Variants in ODAD2 observed in about 807,000 individuals in gnomAD.
ODAD2 encodes outer dynein arm-docking complex subunit 2.
ODAD2 carries 89 observed loss-of-function variants against 106.8 expected under a neutral mutation model. That is an observed-to-expected ratio of 0.83 (90% CI 0.70 to 0.99). ODAD2 has a LOEUF of 0.99. Among genes scored for constraint, ODAD2 ranks in the 50% least tolerant of loss-of-function variants. ODAD2 has a pLI of 0.00. For synonymous variants in ODAD2, 404 were observed against 436.2 expected, an observed-to-expected ratio of 0.93 and a Z score of 0.92; for missense variants, 1,168 against 1,238.5, an observed-to-expected ratio of 0.94 and a Z score of 0.85.
At chr10:27,964,347 G>T (rs1303598051) in intron 9 of ODAD2, among the ~76,000 whole-genome samples, 1 of 152,146 alleles carries the variant, frequency 6.6e-6, no homozygotes, top group African/African-American at 2.4e-5. Flanking sequence ...TTTAACTTAC[G>T]TGTGCCTCGG....
At chr10:27,892,175 T>C (rs887512793) in intron 17 of ODAD2, among the ~76,000 whole-genome samples, 1 of 152,194 alleles carries the variant, frequency 6.6e-6, no homozygotes, top group African/African-American at 2.4e-5. Context: ...ATAACATCAC[T>C]ACAGAGGTCG....
intron 10 of ODAD2, among the ~76,000 whole-genome samples, chr10:27,956,102 C>T (rs1588604249): frequency 6.6e-6 from 1 of 152,062 alleles, no homozygotes; most frequent in African/African-American, 2.4e-5. Context: ...TTTGATGATA[C>T]AGAACAAACA....
At chr10:27,818,019 T>C (rs796184171) in intron 19 of ODAD2, among the ~76,000 whole-genome samples, 28 of 151,978 alleles carry the variant, frequency 1.8e-4, no homozygotes, top group African/African-American at 6.7e-4. Context: ...TCCACCATGG[T>C]AACCTTTGTT....
In ODAD2 at chr10:27,861,079, C is replaced by T. The variant is rs59540473; in HGVS notation, c.2800-233G>A. Among the ~76,000 whole-genome samples the T allele has an allele frequency of 0.047, 7,199 of 152,190 alleles. 546 individuals carry two copies. The highest frequency in any genetic ancestry group is 0.16 in the African/African-American group (6,795 of 41,512). The stretch of plus-strand genomic sequence containing the variant: ...CCATCTCAGCTCACTGCAAGCTCGG[C>T]CTCCTGGATTCAAGTGATTCTCATG... On this transcript the variant is annotated intron_variant, in intron 18 of 19. Transcript: ENST00000305242.
chr10:27,916,328 A>G (rs1844374824), intron 16 of ODAD2, among the ~76,000 whole-genome samples: 1 of 152,192 alleles, frequency 6.6e-6, no homozygotes, highest in African/African-American at 2.4e-5. Context: ...GGTAAATCAG[A>G]ACAAGCACAG....
At chr10:27,972,166 T>C (rs1225436786) in intron 7 of ODAD2, among the ~76,000 whole-genome samples, 1 of 152,202 alleles carries the variant, frequency 6.6e-6, no homozygotes, top group African/African-American at 2.4e-5. Flanking sequence ...ATTCAAGGTA[T>C]ATTGTTGTAA....
intron 16 of ODAD2, among the ~76,000 whole-genome samples, chr10:27,910,242 G>A (rs903745660): frequency 8.5e-5 from 13 of 152,100 alleles, no homozygotes; most frequent in African/African-American, 2.4e-4. Context: ...TATTCATTCT[G>A]TTCATGACAC....
rs75700219 is a variant in ODAD2, at chr10:27,829,384, C to T, written c.3022-16759G>A. ...CCAGTAATTGCTTTTTTCAAACTCC[C>T]GTTGACTTAACCTCATTCTCAAGGC... On this transcript the variant is annotated intron_variant, in intron 19 of 19. Transcript: ENST00000305242. Among the ~76,000 whole-genome samples the T allele has an allele frequency of 3.6e-4, 55 of 152,222 alleles. No homozygotes were observed. The East Asian group carries it at 9.8e-3, about 27-fold the overall frequency.
At chr10:27,922,187 AAAG>A (rs1590028119) in intron 16 of ODAD2, among the ~76,000 whole-genome samples, 1 of 151,694 alleles carries the variant, frequency 6.6e-6, no homozygotes, top group Non-Finnish European at 1.5e-5. Context: ...ACAAAAGAAA[AAAG>A]AAAAAAAGAA....
intron 10 of ODAD2, among the ~76,000 whole-genome samples, chr10:27,945,301 AG>A (rs1297303716): frequency 1.3e-5 from 2 of 152,238 alleles, no homozygotes; most frequent in African/African-American, 4.8e-5. Context: ...GTTCTTGAAC[AG>A]GGTATTGCAT....
At chr10:27,997,784 A>T (rs113861460) in intron 1 of ODAD2, among the ~76,000 whole-genome samples, 1 of 152,214 alleles carries the variant, frequency 6.6e-6, no homozygotes, top group East Asian at 1.9e-4. Context: ...AGATTTTAAA[A>T]TCAAGACCAG....
chr10:27,944,361 C>A lies in ODAD2; in HGVS notation c.1604G>T (p.Gly535Val). The change falls in exon 12 of 20, where the codon GGG becomes GTG. Residue 535 changes from glycine (G) to valine (V), a missense_variant. By Grantham distance (109) the Gly-to-Val change is moderately radical. Coordinates refer to ENST00000305242, the MANE Select transcript of ODAD2 (RefSeq NM_018076.5). Reference sequence around the variant, plus strand: ...TATATTCACCATAATTGGTAAGCCCCCAAGGTCAACAATATTCTGTCTGAT... The same window carrying A: ...TATATTCACCATAATTGGTAAGCCCACAAGGTCAACAATATTCTGTCTGAT... The part of the protein sequence containing the change: ...PQIRQNIVDL[G>V]GLPIMVNILD... 6.2e-7 allele frequency: 1 copy of A among 1,613,952 alleles called. No homozygotes were observed. The highest frequency in any genetic ancestry group is 1.1e-5 in the South Asian group (1 of 91,062).
At chr10:27,981,398 T>G in intron 7 of ODAD2, 68 bp downstream of exon 7, 2 of 1,382,810 alleles carry the variant, frequency 1.4e-6, no homozygotes, top group Non-Finnish European at 1.9e-6. Context: ...CTGTTTTTCT[T>G]GTACCATAGA....
rs181443240 is a variant in ODAD2, at chr10:27,875,743, A to G, written c.2611-13121T>C. 8.5e-3 allele frequency among the ~76,000 whole-genome samples: 1,290 copies of G among 152,310 alleles called. 14 individuals are homozygous for G. Among genetic ancestry groups the G allele is most frequent in the Middle Eastern group, 0.034 (10 of 294 alleles). ...CACCGAGCATGAGCCAAAGCAGGGCAAGGCATTGCCTCACCCAGGAAGCAC... is the reference window on the plus strand; with the variant it reads ...CACCGAGCATGAGCCAAAGCAGGGCGAGGCATTGCCTCACCCAGGAAGCAC... On this transcript the variant is annotated intron_variant, in intron 17 of 19. Transcript: ENST00000305242.
chr10:27,863,580 T>G (rs1166921880), intron 17 of ODAD2, among the ~76,000 whole-genome samples: 1 of 152,212 alleles, frequency 6.6e-6, no homozygotes, highest in Non-Finnish European at 1.5e-5. Context: ...TTTGCCATGA[T>G]GTTGCCTACA....
chr10:27,901,746 CA>C (rs759081412), intron 17 of ODAD2, among the ~76,000 whole-genome samples: 1 of 152,096 alleles, frequency 6.6e-6, no homozygotes, highest in Non-Finnish European at 1.5e-5. Context: ...GGGATCAATG[CA>C]ACAAGAAGAG....
intron 7 of ODAD2, among the ~76,000 whole-genome samples, chr10:27,980,654 TAAAC>T (rs1849487580): frequency 6.6e-6 from 1 of 152,112 alleles, no homozygotes; most frequent in Admixed American, 6.5e-5. Flanking sequence ...TGTTTATAAT[TAAAC>T]AACAACCTAG....
chr10:27,980,678 A>C (rs1452557582), intron 7 of ODAD2, among the ~76,000 whole-genome samples: 1 of 152,198 alleles, frequency 6.6e-6, no homozygotes, highest in Middle Eastern at 3.2e-3. Flanking sequence ...GAAAATAAGA[A>C]GCATTAACAA....
Position 27,915,576 on chromosome 10 carries a change from T to C in ODAD2, c.2496-7799A>G, listed in dbSNP as rs78611135. Among the ~76,000 whole-genome samples, 121 of 152,250 alleles carry C rather than the reference T, an allele frequency of 7.9e-4. 2 individuals carry two copies. Among genetic ancestry groups the C allele is most frequent in the African/African-American group, 2.7e-3 (112 of 41,556 alleles). The stretch of plus-strand genomic sequence containing the variant: ...CATCTAAATGTGAGGGAACAGTATA[T>C]ATAGCACAGTAGGTATGGGGAATTA... On this transcript the variant is annotated intron_variant, in intron 16 of 19. Coordinates refer to ENST00000305242, the MANE Select transcript of ODAD2 (RefSeq NM_018076.5).
Sources: gnomAD v4.1 joint callset for allele counts (sites outside exome capture counted in the v4.1 genomes callset) on GRCh38, gnomAD v4.1.1 for gene constraint, MANE v1.5 for transcripts, NCBI Gene and HGNC (gene_info 2026-07-23, HGNC 2026-07-21) for gene names.